Variants in CPVL observed in about 807,000 individuals in gnomAD.
CPVL encodes carboxypeptidase vitellogenic like, also known as probable serine carboxypeptidase CPVL.
Under a neutral mutation model 63.7 loss-of-function variants are expected in CPVL, and 51 were observed. That is an observed-to-expected ratio of 0.80 (90% CI 0.64 to 1.01). The LOEUF is 1.01. Among genes scored for constraint, CPVL ranks in the 50% least tolerant of loss-of-function variants. CPVL has a pLI of 0.00. For synonymous variants in CPVL, 195 were observed against 206.0 expected (o/e 0.95, Z 0.46); for missense variants, 530 against 573.1 (o/e 0.92, Z 0.77).
At chr7:29,067,999 T>C (rs1002091717) in intron 9 of CPVL, among the ~76,000 whole-genome samples, 1 of 151,734 alleles carries the variant, frequency 6.6e-6, no homozygotes, top group African/African-American at 2.4e-5. Flanking sequence ...AATTATTATA[T>C]TCATATTCTT....
At chr7:29,168,777 A>C (rs1796238326) in intron 5 of CPVL, among the ~76,000 whole-genome samples, 1 of 152,238 alleles carries the variant, frequency 6.6e-6, no homozygotes, top group African/African-American at 2.4e-5. Context: ...AAGCACTAGA[A>C]GTAATTTAGT....
intron 7 of CPVL, among the ~76,000 whole-genome samples, chr7:29,074,251 A>C (rs549796596): frequency 6.6e-6 from 1 of 152,320 alleles, no homozygotes; most frequent in South Asian, 2.1e-4. Flanking sequence ...AATAATAATT[A>C]TTTAGGTAAA....
At chr7:29,176,108 C>A (rs528449271) in intron 5 of CPVL, among the ~76,000 whole-genome samples, 13 of 151,898 alleles carry the variant, frequency 8.6e-5, no homozygotes, top group Admixed American at 7.9e-4. Context: ...ATGGTGTGAA[C>A]CTGGGAGGCG....
At chr7:29,093,093 G>C (rs78490018) in intron 5 of CPVL, among the ~76,000 whole-genome samples, 2 of 152,104 alleles carry the variant, frequency 1.3e-5, no homozygotes, top group Non-Finnish European at 2.9e-5. Context: ...GTCCTGCCAA[G>C]AAGAAACTCT....
intron 9 of CPVL, among the ~76,000 whole-genome samples, chr7:29,068,820 G>A (rs895496979): frequency 4.7e-5 from 7 of 149,718 alleles, no homozygotes; most frequent in Middle Eastern, 3.6e-3. Flanking sequence ...TCAGCCTCCC[G>A]AGTAGCTGGG....
intron 1 of CPVL, among the ~76,000 whole-genome samples, chr7:29,125,689 G>A (rs976091937): frequency 5.3e-5 from 8 of 151,542 alleles, no homozygotes; most frequent in Admixed American, 1.3e-4. Context: ...CACCGCCCCC[G>A]GCCTACTCTC....
intron 5 of CPVL, among the ~76,000 whole-genome samples, chr7:29,155,393 C>A (rs1010788858): frequency 2.6e-4 from 40 of 152,182 alleles, no homozygotes; most frequent in African/African-American, 9.4e-4. Flanking sequence ...TAAATCCTTA[C>A]TACCAGCCAA....
intron 1 of CPVL, among the ~76,000 whole-genome samples, chr7:29,144,962 T>A (rs2128675605): frequency 6.6e-6 from 1 of 151,900 alleles, no homozygotes; most frequent in East Asian, 1.9e-4. Flanking sequence ...TCCCAAACAA[T>A]CATCTCCTAT....
At chr7:29,123,674 T>C (rs1480924209) in intron 1 of CPVL, among the ~76,000 whole-genome samples, 1 of 73,278 alleles carries the variant, frequency 1.4e-5, no homozygotes, top group Non-Finnish European at 2.7e-5. Flanking sequence ...TAAAAAAAAA[T>C]AATGGAAGAA....
intron 12 of CPVL, among the ~76,000 whole-genome samples, chr7:29,023,663 GC>G (rs1301237500): frequency 1.3e-5 from 2 of 152,134 alleles, no homozygotes; most frequent in Non-Finnish European, 2.9e-5. Flanking sequence ...CCAATCCATA[GC>G]AAAACCTCAC....
At chr7:29,111,977 G>C (rs766520991) in intron 3 of CPVL, among the ~76,000 whole-genome samples, 27 of 152,174 alleles carry the variant, frequency 1.8e-4, no homozygotes, top group Middle Eastern at 3.2e-3. Context: ...AGCAATACCC[G>C]CAACAGCACC....
upstream of CPVL, chr7:29,195,378 G>T: frequency 4.4e-6 from 1 of 225,908 alleles, no homozygotes; most frequent in Admixed American, 6.0e-5. Context: ...TGCCGCGCCC[G>T]CTACCCTGGA....
chr7:29,170,505 A>G (rs1796460347), intron 5 of CPVL, among the ~76,000 whole-genome samples: 1 of 152,218 alleles, frequency 6.6e-6, no homozygotes, highest in African/African-American at 2.4e-5. Context: ...GGACGAATTT[A>G]AGTAATTTGT....
chr7:29,141,233 G>A (rs1432104738), intron 1 of CPVL, among the ~76,000 whole-genome samples: 2 of 152,204 alleles, frequency 1.3e-5, no homozygotes, highest in East Asian at 1.9e-4. Flanking sequence ...AATGCAGTCC[G>A]GTGGGAATAG....
rs958422436 is a variant in CPVL at position 29,121,076 on chromosome 7, G to A, written c.-10-5C>T. 6.4e-7 allele frequency: 1 copy of A among 1,563,596 alleles called. No individual in the cohort carries two copies. The highest frequency in any genetic ancestry group is 1.7e-4 in the Middle Eastern group (1 of 5,856). ...GCACCAACCATCTCTCAGGGTCTAG[G>A]ATAAAAACAGCATTCCAAAAATGAA... On this transcript the variant is annotated splice_polypyrimidine_tract_variant and splice_region_variant and intron_variant, in intron 1 of 12. Coordinates refer to ENST00000265394, the MANE Select transcript of CPVL (RefSeq NM_031311.5).
rs569666790 is a variant in CPVL, at chr7:29,050,241, T to C, written c.1137+13820A>G. On this transcript the variant is annotated intron_variant, in intron 11 of 12. Transcript: ENST00000265394. The stretch of plus-strand genomic sequence containing the variant: ...ACTGTTTGCTGATGTTATGATAGTT[T>C]ACCTTGAAAACACTGAAGACCCCTC... Among the ~76,000 whole-genome samples the C allele has an allele frequency of 2.0e-5, 3 of 152,206 alleles. No individual in the cohort carries two copies. The East Asian group carries it at 5.8e-4, about 29-fold the overall frequency.
intron 11 of CPVL, among the ~76,000 whole-genome samples, chr7:29,031,758 C>A (rs1418544597): frequency 1.3e-5 from 2 of 152,004 alleles, no homozygotes; most frequent in Non-Finnish European, 2.9e-5. Context: ...GGTAAATGCA[C>A]AACAGTATAA....
intron 1 of CPVL, among the ~76,000 whole-genome samples, chr7:29,187,610 C>A (rs939366099): frequency 6.6e-6 from 1 of 152,036 alleles, no homozygotes; most frequent in African/African-American, 2.4e-5. Context: ...CACCTGTAAT[C>A]CCAGCTACTC....
chr7:29,068,972 T>C (rs988584243), intron 9 of CPVL, among the ~76,000 whole-genome samples: 5 of 150,618 alleles, frequency 3.3e-5, no homozygotes, highest in Admixed American at 6.7e-5. Context: ...CGTGAGCCAC[T>C]GCGCCCGGCC....
Sources: gnomAD v4.1 joint callset for allele counts (sites outside exome capture counted in the v4.1 genomes callset) on GRCh38, gnomAD v4.1.1 for gene constraint, MANE v1.5 for transcripts, NCBI Gene and HGNC (gene_info 2026-07-23, HGNC 2026-07-21) for gene names.